The following ALDH1A2 variants were observed in gnomAD, a reference collection of about 807,000 sequenced individuals.
ALDH1A2 encodes the protein retinal dehydrogenase 2.
Under a neutral mutation model 60.3 loss-of-function variants are expected in ALDH1A2, and 27 were observed. The observed-to-expected ratio is 0.45, with a 90% CI of 0.33 to 0.62. The LOEUF is 0.62. Ranked by LOEUF, ALDH1A2 falls within the 20% of genes least tolerant of loss-of-function variation. The pLI is 0.02. For synonymous variants in ALDH1A2, 289 were observed against 232.4 expected (o/e 1.24, Z -2.21); for missense variants, 581 against 643.8 (o/e 0.90, Z 1.06).
In ALDH1A2 at chr15:58,038,089, G is replaced by A. The variant is rs115735305; in HGVS notation, c.118-23808C>T. ...CATGGGATATGTCTCTTAAGCTATG[G>A]GTTTCCCTGGTCTCTTCCTACTAAC... On this transcript the variant is annotated intron_variant, in intron 1 of 12. Transcript: ENST00000249750. Among the ~76,000 whole-genome samples, 424 of 151,342 alleles carry A rather than the reference G, an allele frequency of 2.8e-3. 1 individual carries two copies. The highest frequency in any genetic ancestry group is 9.8e-3 in the African/African-American group (404 of 41,336).
intron 5 of ALDH1A2, among the ~76,000 whole-genome samples, 160 bp from the exon 6 acceptor site, chr15:57,993,233 G>T (rs1395317589): frequency 6.6e-6 from 1 of 152,172 alleles, no homozygotes; most frequent in East Asian, 1.9e-4. Context: ...ATTAAGAATA[G>T]AATAGCACTG....
At chr15:57,992,862 T>C (rs766687923) in intron 6 of ALDH1A2, 44 bp from the exon 7 acceptor site, 1 of 1,613,758 alleles carries the variant, frequency 6.2e-7, no homozygotes, top group Admixed American at 1.7e-5. Flanking sequence ...TGAAAGCTGA[T>C]GCATCATGTT....
At chr15:58,013,707 G>A (rs1165221064) in intron 3 of ALDH1A2, 151 bp downstream of exon 3, 22 of 1,003,538 alleles carry the variant, frequency 2.2e-5, no homozygotes, top group South Asian at 3.8e-5. Context: ...AGCTGAAATC[G>A]TGCCACTGCG....
chr15:57,983,003 T>G (rs1013382941), intron 7 of ALDH1A2, among the ~76,000 whole-genome samples: 1 of 152,098 alleles, frequency 6.6e-6, no homozygotes, highest in Admixed American at 6.5e-5. Context: ...TAGGGATGTG[T>G]TGTTTGTTTT....
At chr15:58,065,238 C>T in intron 1 of ALDH1A2, 1 of 419,746 alleles carries the variant, frequency 2.4e-6, no homozygotes, top group Non-Finnish European at 4.4e-6. Flanking sequence ...GCAGTCGGGA[C>T]CGGGAGAATC....
intron 7 of ALDH1A2, among the ~76,000 whole-genome samples, chr15:57,986,728 G>A (rs997104793): frequency 2.6e-5 from 4 of 151,988 alleles, no homozygotes; most frequent in African/African-American, 4.8e-5. Context: ...GCTGGAGTGC[G>A]GTGGTGTGAT....
intron 1 of ALDH1A2, among the ~76,000 whole-genome samples, chr15:58,025,771 G>A (rs987919996): frequency 4.6e-5 from 7 of 152,356 alleles, no homozygotes; most frequent in Middle Eastern, 3.4e-3. Flanking sequence ...GAGGCCACAG[G>A]AAGCTTACAA....
Position 58,013,990 on chromosome 15 carries a change from T to G in ALDH1A2, c.231A>C (p.Ile77=), listed in dbSNP as rs1026125729. Residue 77 remains isoleucine (I), a synonymous_variant, in exon 3 of 13, where the codon ATA becomes ATC. Transcript: ENST00000249750. ...CEVQEADKAD[I]DKAVQAARLA... The stretch of plus-strand genomic sequence containing the variant: ...GGCGGGCTGCCTGCACTGCTTTGTC[T>G]ATATCTGCCTGTTAGAGAGGAAGAG... 6 of 1,613,974 alleles carry G rather than the reference T, an allele frequency of 3.7e-6. No individual in the cohort carries two copies. The Admixed American group carries it at 5.0e-5, about 13-fold the overall frequency.
intron 1 of ALDH1A2, among the ~76,000 whole-genome samples, chr15:58,058,434 GTTTAATC>G (rs1259494179): frequency 8.5e-5 from 11 of 129,810 alleles, no homozygotes; most frequent in East Asian, 2.5e-4. Flanking sequence ...CTTTCTGACT[GTTTAATC>G]TTTAAGGAAT....
intron 12 of ALDH1A2, among the ~76,000 whole-genome samples, chr15:57,957,880 G>A (rs1458174619): frequency 6.7e-6 from 1 of 149,212 alleles, no homozygotes; most frequent in Admixed American, 6.6e-5. Context: ...CAGACCATCA[G>A]CATCAGAGGA....
intron 5 of ALDH1A2, among the ~76,000 whole-genome samples, chr15:57,994,698 A>G (rs1894995222): frequency 6.6e-6 from 1 of 152,206 alleles, no homozygotes; most frequent in Non-Finnish European, 1.5e-5. Flanking sequence ...TGGGATTAAA[A>G]GATCATATAA....
rs924333526 is a variant in ALDH1A2, at chr15:58,013,859, G to C, written c.362C>G (p.Ala121Gly). Reference sequence around the variant, plus strand: ...TTAATGTTTTCTTAGGTTACTTACTGCAAGAACTGCCCTGTCCCGTTCCAC... The same window carrying C: ...TTAATGTTTTCTTAGGTTACTTACTCCAAGAACTGCCCTGTCCCGTTCCAC... ...DLVERDRAVL[A>G]TMESLNGGKP... Residue 121 changes from alanine (A) to glycine (G), a missense_variant and splice_region_variant, in exon 3 of 13, where the codon GCA becomes GGA. Around this residue, in one of 2 missense-constraint regions of ALDH1A2, gnomAD observed 206 missense variants for 174.1 expected, o/e 1.18. Transcript: ENST00000249750. 2.3e-5 allele frequency: 37 copies of C among 1,614,028 alleles called. 1 individual carries two copies. The highest frequency in any genetic ancestry group is 3.3e-5 in the Admixed American group (2 of 60,006).
intron 1 of ALDH1A2, 121 bp downstream of exon 1, chr15:58,065,413 G>A: frequency 2.2e-6 from 2 of 891,028 alleles, no homozygotes; most frequent in Non-Finnish European, 1.9e-6. Flanking sequence ...GCGCCGGGAT[G>A]ACAGGCTGGC....
intron 4 of ALDH1A2, among the ~76,000 whole-genome samples, chr15:58,000,181 C>A (rs1895215883): frequency 1.3e-5 from 2 of 151,926 alleles, no homozygotes; most frequent in South Asian, 4.1e-4. Context: ...AACAAACCTG[C>A]ACAGGTAATC....
At chr15:57,977,513 G>T (rs113496163) in intron 7 of ALDH1A2, among the ~76,000 whole-genome samples, 2,130 of 152,300 alleles carry the variant, frequency 0.014, 25 homozygotes, top group African/African-American at 0.033. Context: ...TCAAAGATCA[G>T]ATGGTTGTAG....
intron 1 of ALDH1A2, among the ~76,000 whole-genome samples, chr15:58,061,819 T>G (rs1191965786): frequency 1.3e-5 from 2 of 152,138 alleles, no homozygotes; most frequent in Non-Finnish European, 2.9e-5. Context: ...GGCAGACCAT[T>G]AGGCCCTATA....
chr15:57,975,413 G>A (rs748218623), intron 7 of ALDH1A2, among the ~76,000 whole-genome samples: 1 of 152,210 alleles, frequency 6.6e-6, no homozygotes, highest in African/African-American at 2.4e-5. Flanking sequence ...TTATCAAAAT[G>A]TGTAGAACCA....
intron 1 of ALDH1A2, among the ~76,000 whole-genome samples, chr15:58,031,056 C>T (rs1239565523): frequency 3.9e-5 from 6 of 152,080 alleles, no homozygotes; most frequent in African/African-American, 1.4e-4. Flanking sequence ...CAAAAAAGAG[C>T]CCGCAAAGCC....
At chr15:58,015,349 C>G (rs576419556) in intron 1 of ALDH1A2, among the ~76,000 whole-genome samples, 1 of 152,084 alleles carries the variant, frequency 6.6e-6, no homozygotes, top group Non-Finnish European at 1.5e-5. Flanking sequence ...TACATGTTTT[C>G]CTTGATTTGA....
Sources: allele counts gnomAD v4.1 joint callset (sites outside exome capture counted in the v4.1 genomes callset), GRCh38; gene constraint gnomAD v4.1.1; regional missense constraint gnomAD v4.1.1; transcripts MANE v1.5; gene names NCBI Gene and HGNC (gene_info 2026-07-23, HGNC 2026-07-21).